ARHGAP22: variants seen among roughly 807,000 people sequenced by gnomAD.
ARHGAP22 encodes Rho GTPase activating protein 22.
In ARHGAP22, 48 loss-of-function variants were observed where a neutral mutation model predicts 59.1. The ratio of observed to expected loss-of-function variants is 0.81; its 90% confidence interval spans 0.64 to 1.03. The LOEUF (loss-of-function observed/expected upper bound fraction) is 1.03. Ranked by LOEUF, ARHGAP22 falls within the 50% of genes least tolerant of loss-of-function variation. ARHGAP22 has a pLI of 0.00. For missense variants in ARHGAP22, 1,015 were observed against 958.7 expected, an observed-to-expected ratio of 1.06 and a Z score of -0.78; for synonymous variants, 445 against 416.4, an observed-to-expected ratio of 1.07 and a Z score of -0.84.
intron 1 of ARHGAP22, among the ~76,000 whole-genome samples, chr10:48,601,386 G>A (rs1311098401): frequency 6.6e-6 from 1 of 152,198 alleles, no homozygotes; most frequent in East Asian, 1.9e-4. Context: ...CAAAACCCAG[G>A]AGTGTCCTAT....
chr10:48,538,842 T>C (rs1186870582), intron 3 of ARHGAP22, among the ~76,000 whole-genome samples: 1 of 152,170 alleles, frequency 6.6e-6, no homozygotes, highest in African/African-American at 2.4e-5. Flanking sequence ...CACACTGGCA[T>C]CTCCACCTAC....
chr10:48,446,681 T>A (rs748674002), intron 9 of ARHGAP22, 62 bp from the exon 10 acceptor site: 7 of 1,492,336 alleles, frequency 4.7e-6, no homozygotes, highest in Non-Finnish European at 6.4e-6. Context: ...GTCCCATGGG[T>A]ATACCATGCT....
chr10:48,486,038 G>A lies in ARHGAP22; in HGVS notation c.323-6274C>T, dbSNP rs72785105. On this transcript the variant is annotated intron_variant, in intron 3 of 9. Coordinates refer to ENST00000249601, the MANE Select transcript of ARHGAP22 (RefSeq NM_021226.4). ...CTCTTTTCTTGTCTTGTTTTGGATG[G>A]AGTTTTTGTTTTTTGTTTTTAATGA... Among the ~76,000 whole-genome samples the A allele has an allele frequency of 7.0e-3, 1,057 of 152,032 alleles. 7 individuals carry two copies. Among genetic ancestry groups the A allele is most frequent in the Admixed American group, 0.015 (224 of 15,272 alleles).
At chr10:48,582,685 G>A (rs984517185) in intron 2 of ARHGAP22, 11 of 513,502 alleles carry the variant, frequency 2.1e-5, no homozygotes, top group Non-Finnish European at 2.8e-5. Context: ...CATGGAAGAC[G>A]TTGTTTTCTT....
chr10:48,434,933 C>G, the ARHGAP22 span: 5 of 1,611,748 alleles, frequency 3.1e-6, no homozygotes, highest in Admixed American at 1.7e-5. Context: ...CGTCGTCTGT[C>G]AATGATGTGT....
At chr10:48,498,080 A>C (rs2051127823) in intron 3 of ARHGAP22, among the ~76,000 whole-genome samples, 1 of 152,130 alleles carries the variant, frequency 6.6e-6, no homozygotes, top group African/African-American at 2.4e-5. Context: ...GCCGGTCCCC[A>C]ACTTGCATAA....
intron 1 of ARHGAP22, among the ~76,000 whole-genome samples, chr10:48,634,044 C>T (rs543105585): frequency 6.6e-6 from 1 of 152,192 alleles, no homozygotes; most frequent in Non-Finnish European, 1.5e-5. Flanking sequence ...TGATAACTGG[C>T]AGGAAGTGTT....
At chr10:48,562,995 T>C (rs2057787359) in intron 2 of ARHGAP22, among the ~76,000 whole-genome samples, 1 of 152,152 alleles carries the variant, frequency 6.6e-6, no homozygotes, top group Non-Finnish European at 1.5e-5. Flanking sequence ...CGACTGTTCC[T>C]TCTGGAGCTC....
intron 3 of ARHGAP22, among the ~76,000 whole-genome samples, chr10:48,527,924 G>C (rs1445427669): frequency 6.6e-6 from 1 of 152,222 alleles, no homozygotes; most frequent in African/African-American, 2.4e-5. Context: ...GATAGAACCA[G>C]GGGGTGGATA....
At chr10:48,493,485 G>C (rs1389902765) in intron 3 of ARHGAP22, 1 of 1,536,058 alleles carries the variant, frequency 6.5e-7, no homozygotes, top group Admixed American at 2.0e-5. Flanking sequence ...TGGGCCAGAA[G>C]GGCATGGTGT....
At chr10:48,457,629 G>A (rs1245308091) in intron 5 of ARHGAP22, among the ~76,000 whole-genome samples, 1 of 152,210 alleles carries the variant, frequency 6.6e-6, no homozygotes, top group Non-Finnish European at 1.5e-5. Context: ...GGCAACCCGG[G>A]AGACTGACAG....
chr10:48,450,718 GTC>G lies in ARHGAP22; in HGVS notation c.1409_1410del (p.Gly470AlafsTer135). On this transcript the variant is annotated frameshift_variant, in exon 9 of 10. Transcript: ENST00000249601. LOFTEE classifies it high-confidence loss of function. ...CGGTCTCCCGACGAGGCCCGGCGGTGTCCGCGCAGGGAGGACAGCCCGTTCAT... is the reference window on the plus strand; with the variant it reads ...CGGTCTCCCGACGAGGCCCGGCGGTGCGCGCAGGGAGGACAGCCCGTTCAT... ...WLMNGLSSLR[G>X]HRRASSGDRL... The G allele has an allele frequency of 6.4e-7, 1 of 1,554,936 alleles. No homozygotes were observed. The highest frequency in any genetic ancestry group is 8.7e-7 in the Non-Finnish European group (1 of 1,149,594).
At chr10:48,636,178 C>T (rs1009643801) in intron 1 of ARHGAP22, among the ~76,000 whole-genome samples, 12 of 152,190 alleles carry the variant, frequency 7.9e-5, no homozygotes, top group Admixed American at 7.2e-4. Context: ...GGGTTAATGA[C>T]ATGGCTGCTC....
At position 48,524,162 on chromosome 10, in the gene ARHGAP22, G is replaced by A. The variant is rs1221540466; in HGVS notation, c.322+31301C>T. 1.1e-4 allele frequency: 128 copies of A among 1,170,050 alleles called. 1 individual carries two copies. Among genetic ancestry groups the A allele is most frequent in the Non-Finnish European group, 8.7e-5 (83 of 951,070 alleles). 72.5% of individuals were successfully genotyped at this position (1,170,050 alleles called of 1,614,324 possible). On this transcript the variant is annotated intron_variant, in intron 3 of 9. Transcript: ENST00000249601. ...TCTCCCCGCCTGCCGCCTGCGCCCC[G>A]GGGCGGCGCGGCCGAGGTCCGGCCC...
intron 3 of ARHGAP22, among the ~76,000 whole-genome samples, chr10:48,554,734 A>C (rs1011691306): frequency 1.3e-5 from 2 of 152,180 alleles, no homozygotes; most frequent in East Asian, 3.9e-4. Flanking sequence ...CCTGTTCTGC[A>C]CTGTGTCCAG....
chr10:48,477,686 C>G (rs769452092), intron 4 of ARHGAP22, among the ~76,000 whole-genome samples: 4 of 152,200 alleles, frequency 2.6e-5, no homozygotes, highest in Admixed American at 1.3e-4. Context: ...TGGGTGCATA[C>G]AAGTATCCCA....
At chr10:48,495,723 T>C (rs1589748105) in intron 3 of ARHGAP22, among the ~76,000 whole-genome samples, 1 of 152,234 alleles carries the variant, frequency 6.6e-6, no homozygotes, top group Non-Finnish European at 1.5e-5. Flanking sequence ...GAATAGAATG[T>C]GGCAAAAATT....
chr10:48,493,868 C>G (rs1046384561), intron 3 of ARHGAP22, among the ~76,000 whole-genome samples: 1 of 152,202 alleles, frequency 6.6e-6, no homozygotes, highest in Non-Finnish European at 1.5e-5. Context: ...GTGGGAACCC[C>G]AGCTCAGTGC....
At chr10:48,490,672 C>T (rs1162091387) in intron 3 of ARHGAP22, among the ~76,000 whole-genome samples, 4 of 152,210 alleles carry the variant, frequency 2.6e-5, no homozygotes, top group Non-Finnish European at 4.4e-5. Flanking sequence ...TTGGGAGCCC[C>T]CTGGACTCTT....
Sources: allele counts gnomAD v4.1 joint callset (sites outside exome capture counted in the v4.1 genomes callset), GRCh38; gene constraint gnomAD v4.1.1; transcripts MANE v1.5; gene names NCBI Gene and HGNC (gene_info 2026-07-23, HGNC 2026-07-21).